The following MAGI3 variants were observed in gnomAD, a reference collection of about 807,000 sequenced individuals.
MAGI3 encodes the protein membrane associated guanylate kinase, WW and PDZ domain containing 3, also known as membrane-associated guanylate kinase, WW and PDZ domain-containing protein 3.
A neutral mutation model predicts 121.8 loss-of-function variants in MAGI3; 43 were observed. That is an observed-to-expected ratio of 0.35 (90% CI 0.28 to 0.46). The LOEUF (loss-of-function observed/expected upper bound fraction) is 0.46. Ranked by LOEUF, MAGI3 falls within the 20% of genes least tolerant of loss-of-function variation. The pLI is 1.00. For missense variants in MAGI3, 1,547 were observed against 1,797.3 expected, an observed-to-expected ratio of 0.86 and a Z score of 2.52; for synonymous variants, 553 against 639.3, an observed-to-expected ratio of 0.86 and a Z score of 2.04.
intron 1 of MAGI3, among the ~76,000 whole-genome samples, chr1:113,448,799 A>G (rs1654309386): frequency 6.6e-6 from 1 of 152,104 alleles, no homozygotes; most frequent in East Asian, 1.9e-4. Flanking sequence ...TGCATTTTTA[A>G]TGTTACATTA....
At chr1:113,524,929 A>G (rs750385354) in intron 1 of MAGI3, among the ~76,000 whole-genome samples, 8 of 152,120 alleles carry the variant, frequency 5.3e-5, no homozygotes, top group Non-Finnish European at 1.2e-4. Context: ...AGGGGAGGAA[A>G]TTGAATCATG....
At chr1:113,581,709 C>A (rs973828432) in intron 3 of MAGI3, among the ~76,000 whole-genome samples, 3 of 152,120 alleles carry the variant, frequency 2.0e-5, no homozygotes, top group African/African-American at 7.2e-5. Flanking sequence ...GCAGCTTTAT[C>A]ATGTCTCTCT....
intron 1 of MAGI3, among the ~76,000 whole-genome samples, chr1:113,443,207 C>G (rs1004048300): frequency 3.9e-5 from 6 of 152,070 alleles, no homozygotes. Flanking sequence ...ATACAGCCCG[C>G]TGGTTCTGTT....
chr1:113,526,013 CA>C (rs1295548499), intron 1 of MAGI3, among the ~76,000 whole-genome samples: 3 of 151,794 alleles, frequency 2.0e-5, no homozygotes, highest in Non-Finnish European at 4.4e-5. Flanking sequence ...AAAAACAAAA[CA>C]AAACAAAACA....
chr1:113,557,427 G>A (rs1203205387), intron 2 of MAGI3, among the ~76,000 whole-genome samples: 1 of 152,246 alleles, frequency 6.6e-6, no homozygotes, highest in Non-Finnish European at 1.5e-5. Context: ...CCAGGACACA[G>A]CTGTTTTGTT....
chr1:113,466,945 T>G (rs975540705), intron 1 of MAGI3, among the ~76,000 whole-genome samples: 1 of 152,112 alleles, frequency 6.6e-6, no homozygotes, highest in African/African-American at 2.4e-5. Context: ...TTCATTTATT[T>G]CTGCTCTAAT....
At chr1:113,486,994 A>T (rs752384217) in intron 1 of MAGI3, among the ~76,000 whole-genome samples, 1 of 152,218 alleles carries the variant, frequency 6.6e-6, no homozygotes, top group Non-Finnish European at 1.5e-5. Flanking sequence ...TACAGGCATC[A>T]GCCACTGCCC....
At chr1:113,471,115 A>G (rs973592179) in intron 1 of MAGI3, among the ~76,000 whole-genome samples, 3 of 152,342 alleles carry the variant, frequency 2.0e-5, no homozygotes, top group South Asian at 4.1e-4. Flanking sequence ...GTCTAATACT[A>G]CAGACCAAAT....
intron 1 of MAGI3, among the ~76,000 whole-genome samples, chr1:113,428,381 T>C (rs1653126166): frequency 6.6e-6 from 1 of 152,310 alleles, no homozygotes; most frequent in South Asian, 2.1e-4. Flanking sequence ...GCTCTATTTA[T>C]TGAAAAGACA....
chr1:113,590,398 G>C, intron 4 of MAGI3, 86 bp from the exon 5 acceptor site: 1 of 1,308,756 alleles, frequency 7.6e-7, no homozygotes, highest in Non-Finnish European at 1.0e-6. Context: ...TATGTATTTG[G>C]AATTTTTTTA....
At chr1:113,449,908 C>T (rs1654392480) in intron 1 of MAGI3, 3 of 1,516,888 alleles carry the variant, frequency 2.0e-6, no homozygotes, top group Admixed American at 1.7e-5. Context: ...GTGGATGCAG[C>T]AATGTGTGCT....
At chr1:113,520,820 TC>T (rs1422673071) in intron 1 of MAGI3, among the ~76,000 whole-genome samples, 1 of 152,078 alleles carries the variant, frequency 6.6e-6, no homozygotes. Context: ...CCAGCTGGTC[TC>T]GAACTCCTGA....
chr1:113,629,763 C>CTCCCT (rs143631602), intron 9 of MAGI3, among the ~76,000 whole-genome samples: 1,191 of 44,982 alleles, frequency 0.026, 16 homozygotes, highest in Admixed American at 0.051. Context: ...TCTCTCTCTC[C>CTCCCT]CTCCCTCCCT....
At position 113,558,541 on chromosome 1, in the gene MAGI3, C is replaced by T. The variant is rs148983631; in HGVS notation, c.433+8910C>T. Among the ~76,000 whole-genome samples the T allele has an allele frequency of 1.1e-4, 17 of 151,852 alleles. 1 individual carries two copies. In the East Asian group the frequency reaches 2.3e-3, roughly 21 times the overall value. ...AATGAAAATGAATGAACAAAACCTC[C>T]GAGAAATCAGGGATTATATAAAGAG... is the stretch of plus-strand genomic sequence containing the variant. On this transcript the variant is annotated intron_variant, in intron 2 of 20. Coordinates refer to ENST00000307546, the MANE Select transcript of MAGI3 (RefSeq NM_001142782.2).
intron 5 of MAGI3, among the ~76,000 whole-genome samples, chr1:113,590,966 A>G (rs1378460952): frequency 6.6e-6 from 1 of 152,052 alleles, no homozygotes; most frequent in Non-Finnish European, 1.5e-5. Context: ...GCTTTTTAAA[A>G]AGCTTTTAGG....
At chr1:113,433,866 T>G (rs377306808) in intron 1 of MAGI3, among the ~76,000 whole-genome samples, 11 of 152,326 alleles carry the variant, frequency 7.2e-5, no homozygotes, top group East Asian at 5.8e-4. Flanking sequence ...CATAATTATT[T>G]AGAAATTTAA....
intron 2 of MAGI3, chr1:113,576,928 AATCTT>A (rs1342357491): frequency 6.6e-6 from 1 of 152,200 alleles, no homozygotes; most frequent in African/African-American, 2.4e-5. Context: ...ATATTGGAAA[AATCTT>A]ATAAGCCTCA....
At chr1:113,412,450 T>C (rs1652052411) in intron 1 of MAGI3, among the ~76,000 whole-genome samples, 2 of 152,192 alleles carry the variant, frequency 1.3e-5, no homozygotes, top group African/African-American at 2.4e-5. Context: ...ATTGCCACAA[T>C]GTCTTCCACA....
At chr1:113,610,268 G>T (rs547080587) in intron 6 of MAGI3, among the ~76,000 whole-genome samples, 1 of 151,952 alleles carries the variant, frequency 6.6e-6, no homozygotes, top group Non-Finnish European at 1.5e-5. Context: ...CCAACAAAGC[G>T]TTTTTTAATG....
Sources: gnomAD v4.1 joint callset for allele counts (sites outside exome capture counted in the v4.1 genomes callset) on GRCh38, gnomAD v4.1.1 for gene constraint, MANE v1.5 for transcripts, NCBI Gene and HGNC (gene_info 2026-07-23, HGNC 2026-07-21) for gene names.